OPCML: variants seen among roughly 807,000 people sequenced by gnomAD.
OPCML encodes opioid-binding protein/cell adhesion molecule.
In OPCML, 13 loss-of-function variants were observed where a neutral mutation model predicts 37.8. The ratio of observed to expected loss-of-function variants is 0.34; its 90% CI spans 0.22 to 0.55. The LOEUF (loss-of-function observed/expected upper bound fraction) is 0.55. OPCML is among the 20% of genes least tolerant of loss of function. OPCML has a pLI of 0.91. For synonymous variants in OPCML, 176 were observed against 168.8 expected (o/e 1.04, Z -0.33); for missense variants, 341 against 435.6 (o/e 0.78, Z 1.93).
At chr11:132,436,567 C>A (rs2096013744) in intron 6 of OPCML, 92 bp downstream of exon 6, 2 of 1,558,852 alleles carry the variant, frequency 1.3e-6, no homozygotes, top group Admixed American at 2.0e-5. Context: ...TTTGCCTTAT[C>A]TTTCCCCTTT....
intron 1 of OPCML, among the ~76,000 whole-genome samples, chr11:132,955,479 T>A (rs537533565): frequency 3.2e-4 from 49 of 152,310 alleles, no homozygotes; most frequent in Middle Eastern, 3.4e-3. Flanking sequence ...ACCTGACAGA[T>A]GCTATCTAAT....
At chr11:132,516,752 C>T (rs2096280722) in intron 4 of OPCML, among the ~76,000 whole-genome samples, 1 of 152,144 alleles carries the variant, frequency 6.6e-6, no homozygotes, top group Non-Finnish European at 1.5e-5. Context: ...ATCCTCAACA[C>T]CTTTCTCATG....
intron 2 of OPCML, among the ~76,000 whole-genome samples, chr11:132,907,100 A>G (rs1309592356): frequency 6.6e-6 from 1 of 152,168 alleles, no homozygotes. Context: ...CCTCTAACAT[A>G]TCGTAAGAAT....
chr11:132,974,695 C>T (rs1946417432), intron 1 of OPCML, among the ~76,000 whole-genome samples: 1 of 152,160 alleles, frequency 6.6e-6, no homozygotes, highest in African/African-American at 2.4e-5. Context: ...AAGGCACATG[C>T]ACATGTATGT....
At chr11:132,993,010 T>C (rs999834930) in intron 1 of OPCML, among the ~76,000 whole-genome samples, 4 of 152,208 alleles carry the variant, frequency 2.6e-5, no homozygotes, top group African/African-American at 9.6e-5. Flanking sequence ...TGGTTAGTAG[T>C]GCTGGTTAGG....
At chr11:133,207,299 CA>C (rs1269025493) in intron 1 of OPCML, among the ~76,000 whole-genome samples, 4 of 151,900 alleles carry the variant, frequency 2.6e-5, no homozygotes, top group Admixed American at 2.6e-4. Flanking sequence ...GACTCCATCT[CA>C]AAAACAAAAA....
rs545511923 is a variant in OPCML at position 132,595,039 on chromosome 11, GT to G, written c.379+62047del. 3.9e-5 allele frequency among the ~76,000 whole-genome samples: 6 copies of G among 152,280 alleles called. No individual in the cohort carries two copies. In the South Asian group the frequency reaches 1.0e-3, roughly 26 times the overall value. The stretch of plus-strand genomic sequence containing the variant: ...GCTACATTTTGACCTGTATTGGAAA[GT>G]ATTATTTTCAATGTATGTAATTAGA... On this transcript the variant is annotated intron_variant, in intron 3 of 7. Coordinates refer to ENST00000524381, the MANE Select transcript of OPCML (RefSeq NM_001012393.5).
chr11:132,953,960 T>A (rs1376166262), intron 1 of OPCML, among the ~76,000 whole-genome samples: 2 of 152,240 alleles, frequency 1.3e-5, no homozygotes, highest in African/African-American at 4.8e-5. Context: ...ACCCACTTCC[T>A]GCTAAAATGA....
chr11:132,963,847 C>T (rs1207599814), intron 1 of OPCML, among the ~76,000 whole-genome samples: 3 of 152,204 alleles, frequency 2.0e-5, no homozygotes, highest in Non-Finnish European at 4.4e-5. Context: ...TACCTATATC[C>T]TAGCTGCACG....
intron 2 of OPCML, among the ~76,000 whole-genome samples, chr11:132,799,009 C>T (rs1591626846): frequency 6.6e-6 from 1 of 152,126 alleles, no homozygotes; most frequent in South Asian, 2.1e-4. Context: ...AGAGCACGGG[C>T]AGAGTAGATT....
intron 7 of OPCML, chr11:132,420,517 A>C (rs2095954652): frequency 2.3e-6 from 1 of 434,122 alleles, no homozygotes; most frequent in Non-Finnish European, 3.1e-6. Context: ...ACTATGCTTA[A>C]AAAGTAAATA....
At chr11:133,296,058 C>A (rs1449885964) in intron 1 of OPCML, among the ~76,000 whole-genome samples, 1 of 152,154 alleles carries the variant, frequency 6.6e-6, no homozygotes, top group Non-Finnish European at 1.5e-5. Context: ...AAGAGAGATG[C>A]TCCATGTATT....
intron 1 of OPCML, among the ~76,000 whole-genome samples, chr11:133,148,747 A>C (rs2137184798): frequency 6.6e-6 from 1 of 152,270 alleles, no homozygotes; most frequent in South Asian, 2.1e-4. Context: ...CGAGGTCCAG[A>C]GTTTCAGTGA....
chr11:133,512,536 T>C (rs1051376048), intron 1 of OPCML, among the ~76,000 whole-genome samples: 2 of 152,194 alleles, frequency 1.3e-5, no homozygotes, highest in Non-Finnish European at 2.9e-5. Context: ...TATTAGCCAC[T>C]GGTGATTAGC....
chr11:133,181,463 TTA>T (rs140892391), intron 1 of OPCML, among the ~76,000 whole-genome samples: 4,400 of 137,558 alleles, frequency 0.032, 220 homozygotes, highest in African/African-American at 0.11. Flanking sequence ...ATAGTGAACT[TTA>T]AAAAAAAATT....
intron 4 of OPCML, among the ~76,000 whole-genome samples, chr11:132,466,364 G>A (rs185264603): frequency 1.3e-5 from 2 of 150,830 alleles, no homozygotes; most frequent in Non-Finnish European, 3.0e-5. Context: ...GGCGCCTGTA[G>A]TCCCAGCTAC....
chr11:133,151,208 A>T (rs543378052), intron 1 of OPCML, among the ~76,000 whole-genome samples: 6 of 152,120 alleles, frequency 3.9e-5, no homozygotes, highest in African/African-American at 1.2e-4. Context: ...GGGAGGCGGA[A>T]GTTGCAGTGA....
At chr11:133,415,267 C>G (rs970712721) in intron 1 of OPCML, among the ~76,000 whole-genome samples, 4 of 151,636 alleles carry the variant, frequency 2.6e-5, no homozygotes, top group Admixed American at 6.6e-5. Context: ...AAAATTAGCC[C>G]GGCGTGGTGG....
At position 132,613,533 on chromosome 11, in the gene OPCML, T is replaced by C. The variant is rs552836210; in HGVS notation, c.379+43554A>G. Among the ~76,000 whole-genome samples, 106 of 152,290 alleles carry C rather than the reference T, an allele frequency of 7.0e-4. 1 individual carries two copies. The highest frequency in any genetic ancestry group is 5.7e-3 in the Admixed American group (87 of 15,306). On this transcript the variant is annotated intron_variant, in intron 3 of 7. Transcript: ENST00000524381. ...CTTCTCTGCCAAACCATTGGAACTG[T>C]CCCAAGAAACACTTCAAAGAAAACC...
Sources: gnomAD v4.1 joint callset for allele counts (sites outside exome capture counted in the v4.1 genomes callset) on GRCh38, gnomAD v4.1.1 for gene constraint, MANE v1.5 for transcripts, NCBI Gene and HGNC (gene_info 2026-07-23, HGNC 2026-07-21) for gene names.